Variants in DNAH6 observed in about 807,000 individuals in gnomAD.
DNAH6 encodes axonemal beta dynein heavy chain 6.
A neutral mutation model predicts 491.4 loss-of-function variants in DNAH6; 340 were observed. That is an observed-to-expected ratio of 0.69 (90% confidence interval 0.63 to 0.76). DNAH6 has a LOEUF of 0.76. Among genes scored for constraint, DNAH6 ranks in the 30% least tolerant of loss-of-function variants. The pLI, the probability that DNAH6 is intolerant of heterozygous loss-of-function variation, is 0.00. For missense variants in DNAH6, 4,443 were observed against 4,972.2 expected, an observed-to-expected ratio of 0.89 and a Z score of 3.20; for synonymous variants, 1,603 against 1,686.1, an observed-to-expected ratio of 0.95 and a Z score of 1.21.
At chr2:84,547,738 G>A in intron 7 of DNAH6, 126 bp downstream of exon 7, 2 of 1,008,554 alleles carry the variant, frequency 2.0e-6, no homozygotes, top group Non-Finnish European at 2.8e-6. Context: ...AACATTTGAT[G>A]GATATTATAA....
intron 64 of DNAH6, among the ~76,000 whole-genome samples, chr2:84,767,773 A>G (rs1438383761): frequency 6.6e-6 from 1 of 152,082 alleles, no homozygotes; most frequent in African/African-American, 2.4e-5. Flanking sequence ...AATTTTCCAA[A>G]ACAAAAGACA....
upstream of DNAH6, among the ~76,000 whole-genome samples, chr2:84,513,777 TTCCC>T (rs1675422235): frequency 6.6e-6 from 1 of 152,194 alleles, no homozygotes; most frequent in Non-Finnish European, 1.5e-5. Context: ...TTGCATTTTT[TTCCC>T]CAGACCACAT....
At chr2:84,745,303 C>G in intron 63 of DNAH6, 54 bp downstream of exon 63, 1 of 1,227,052 alleles carries the variant, frequency 8.1e-7, no homozygotes, top group Non-Finnish European at 1.1e-6. Context: ...TACTAAAGCT[C>G]ACTAGCCAGT....
chr2:84,560,082 G>T (rs958378508), intron 11 of DNAH6, among the ~76,000 whole-genome samples: 1 of 152,148 alleles, frequency 6.6e-6, no homozygotes, highest in African/African-American at 2.4e-5. Flanking sequence ...TAATTGGTGT[G>T]TCTGTAAGAG....
At chr2:84,798,352 A>G (rs946401186) in intron 70 of DNAH6, among the ~76,000 whole-genome samples, 2 of 152,182 alleles carry the variant, frequency 1.3e-5, no homozygotes, top group African/African-American at 4.8e-5. Context: ...CGTTCCTGCC[A>G]TGGACCTCTG....
chr2:84,803,586 TAAAA>T (rs905735682), intron 70 of DNAH6, among the ~76,000 whole-genome samples: 3 of 151,576 alleles, frequency 2.0e-5, no homozygotes, highest in Non-Finnish European at 4.4e-5. Context: ...TCAAAAATGT[TAAAA>T]AAACATTATG....
intron 3 of DNAH6, 94 bp from the exon 4 acceptor site, chr2:84,528,810 T>C: frequency 8.2e-7 from 1 of 1,222,052 alleles, no homozygotes; most frequent in South Asian, 1.6e-5. Flanking sequence ...TCTCATGCAA[T>C]ATGGCAATTA....
At chr2:84,672,129 G>A (rs1039504930) in intron 39 of DNAH6, among the ~76,000 whole-genome samples, 198 bp from the exon 40 acceptor site, 16 of 152,206 alleles carry the variant, frequency 1.1e-4, no homozygotes, top group African/African-American at 1.9e-4. Flanking sequence ...CAACGTGGAC[G>A]TCTTGACCAG....
chr2:84,636,184 C>A (rs1558831270), intron 30 of DNAH6, among the ~76,000 whole-genome samples: 1 of 152,202 alleles, frequency 6.6e-6, no homozygotes, highest in Admixed American at 6.5e-5. Flanking sequence ...GGGACAAAAT[C>A]TAAATTCCTT....
chr2:84,675,606 C>T (rs561375390), intron 40 of DNAH6, among the ~76,000 whole-genome samples: 1 of 152,320 alleles, frequency 6.6e-6, no homozygotes, highest in African/African-American at 2.4e-5. Flanking sequence ...CAAGCATTGC[C>T]TCAACATTAT....
At chr2:84,735,524 A>T (rs1573646820) in intron 62 of DNAH6, among the ~76,000 whole-genome samples, 1 of 152,322 alleles carries the variant, frequency 6.6e-6, no homozygotes, top group East Asian at 1.9e-4. Context: ...GTATGTAAGC[A>T]TTCTCTTTTC....
In DNAH6 at chr2:84,794,891, C is replaced by T. The variant is rs1267183294; in HGVS notation, c.11240-1415C>T. On this transcript the variant is annotated intron_variant, in intron 68 of 76. Coordinates refer to ENST00000389394, the MANE Select transcript of DNAH6 (RefSeq NM_001370.2). ...GACACATGCACACGTATGTTTATTGCGGCACTATTCACAAGAGCAAAGACT... is the reference window on the plus strand; with the variant it reads ...GACACATGCACACGTATGTTTATTGTGGCACTATTCACAAGAGCAAAGACT... Among the ~76,000 whole-genome samples, 24 of 150,676 alleles carry T rather than the reference C, an allele frequency of 1.6e-4. No individual in the cohort carries two copies. In the South Asian group the frequency reaches 2.8e-3, roughly 17 times the overall value.
chr2:84,749,709 T>G (rs1673286324), intron 63 of DNAH6, among the ~76,000 whole-genome samples: 1 of 152,066 alleles, frequency 6.6e-6, no homozygotes, highest in Non-Finnish European at 1.5e-5. Flanking sequence ...AGGTGGAAAG[T>G]CTCCAGTGAA....
intron 15 of DNAH6, 106 bp from the exon 16 acceptor site, chr2:84,588,720 G>A: frequency 1.8e-6 from 2 of 1,095,240 alleles, no homozygotes; most frequent in African/African-American, 1.6e-5. Context: ...AAATCAAAAA[G>A]AAAAGAGAAA....
intron 58 of DNAH6, among the ~76,000 whole-genome samples, chr2:84,717,363 G>A (rs1486154213): frequency 6.6e-6 from 1 of 152,078 alleles, no homozygotes; most frequent in Non-Finnish European, 1.5e-5. Flanking sequence ...TAATTTCAAG[G>A]TGTCTGAATT....
chr2:84,795,937 A>G (rs1367970629), intron 68 of DNAH6, among the ~76,000 whole-genome samples: 2 of 152,236 alleles, frequency 1.3e-5, no homozygotes, highest in Admixed American at 1.3e-4. Flanking sequence ...TCTCCGAAAG[A>G]AGCACTGTTT....
intron 64 of DNAH6, among the ~76,000 whole-genome samples, chr2:84,772,880 T>C (rs1308162842): frequency 3.3e-5 from 5 of 152,056 alleles, no homozygotes; most frequent in Non-Finnish European, 7.4e-5. Context: ...TTCTCCTGGA[T>C]AGTTTATACG....
intron 64 of DNAH6, among the ~76,000 whole-genome samples, chr2:84,770,809 C>T (rs1275968559): frequency 6.7e-6 from 1 of 149,656 alleles, no homozygotes; most frequent in Non-Finnish European, 1.5e-5. Flanking sequence ...AAGGTAAGAC[C>T]CTGCCTCTAC....
chr2:84,752,538 A>G (rs1673564953), intron 63 of DNAH6, among the ~76,000 whole-genome samples: 3 of 152,168 alleles, frequency 2.0e-5, no homozygotes. Context: ...ATCTTCACAG[A>G]GTTGTGCAAC....
Sources: gnomAD v4.1 joint callset for allele counts (sites outside exome capture counted in the v4.1 genomes callset) on GRCh38, gnomAD v4.1.1 for gene constraint, MANE v1.5 for transcripts, NCBI Gene and HGNC (gene_info 2026-07-23, HGNC 2026-07-21) for gene names.